LYPD1: variants seen among roughly 807,000 people sequenced by gnomAD.
The protein encoded by LYPD1 is ly6/PLAUR domain-containing protein 1.
In LYPD1, 14 loss-of-function variants were observed where a neutral mutation model predicts 14.2. That is an observed-to-expected ratio of 0.99 (90% CI 0.65 to 1.54). The LOEUF is 1.54. LYPD1 is among the 40% of genes most tolerant of loss of function. LYPD1 has a pLI of 0.00. For synonymous variants in LYPD1, 85 were observed against 70.6 expected (o/e 1.20, Z -1.02); for missense variants, 165 against 175.7 (o/e 0.94, Z 0.34).
At chr2:132,668,693 G>C (rs1027115070) in intron 1 of LYPD1, among the ~76,000 whole-genome samples, 156 bp from the exon 2 acceptor site, 1 of 152,132 alleles carries the variant, frequency 6.6e-6, no homozygotes, top group Non-Finnish European at 1.5e-5. Flanking sequence ...GGCTGACACC[G>C]GCAGGGGGCG....
At position 132,646,223 on chromosome 2, in the gene LYPD1, C is replaced by T. The variant is rs1341271689; in HGVS notation, c.248G>A (p.Gly83Glu). Residue 83 changes from glycine to glutamate, a missense_variant, in exon 3 of 3, where the codon GGG becomes GAG. Physicochemically the swap from Gly to Glu is moderately conservative, Grantham distance 98 (BLOSUM62 -2). Coordinates refer to ENST00000397463, the MANE Select transcript of LYPD1 (RefSeq NM_144586.7). ...CCCTGGGGAGCAGAAGGACTGGTAC[C>T]CGGCAGAGGCGATGAGACAGGCCGC... is the stretch of plus-strand genomic sequence containing the variant. Reference protein sequence around the residue: ...SSAACLIASAGYQSFCSPGKL... With the variant: ...SSAACLIASAEYQSFCSPGKL... The T allele has an allele frequency of 1.3e-6, 2 of 1,596,158 alleles. No homozygotes were observed. Among genetic ancestry groups the T allele is most frequent in the Admixed American group, 1.7e-5 (1 of 58,366 alleles).
chr2:132,662,264 G>T (rs1012712709), intron 2 of LYPD1, among the ~76,000 whole-genome samples: 2 of 152,188 alleles, frequency 1.3e-5, no homozygotes, highest in Non-Finnish European at 2.9e-5. Context: ...GTCTAGCACT[G>T]GTTCCTTGAA....
chr2:132,645,897 A>G lies in LYPD1; in HGVS notation c.*148T>C, dbSNP rs1409816762. 1.5e-6 allele frequency: 1 copy of G among 678,048 alleles called. No individual in the cohort carries two copies. Among genetic ancestry groups the G allele is most frequent in the East Asian group, 2.9e-5 (1 of 34,868 alleles). The allele number at this position is 678,048 out of a possible 1,614,324, so 42.0% of individuals were successfully genotyped here. On this transcript the variant is annotated 3_prime_UTR_variant, in exon 3 of 3. Transcript: ENST00000397463. ...TCAGAATGCTTTACCGAGCTCTTTC[A>G]TTATTTGCACAGGAACAAAAGAGAA...
Position 132,645,552 on chromosome 2 carries a change from C to A in LYPD1, c.*493G>T. The stretch of plus-strand genomic sequence containing the variant: ...TCGAGTCACTAGAGCCCAACTCAGG[C>A]GCGAAACCAGCCAATTCTGCTGCAG... On this transcript the variant is annotated 3_prime_UTR_variant, in exon 3 of 3. Transcript: ENST00000397463. 6.2e-7 allele frequency: 1 copy of A among 1,614,100 alleles called. No homozygotes were observed. The highest frequency in any genetic ancestry group is 8.5e-7 in the Non-Finnish European group (1 of 1,180,004).
chr2:132,650,000 C>T (rs1039554006), intron 2 of LYPD1, among the ~76,000 whole-genome samples: 1 of 152,008 alleles, frequency 6.6e-6, no homozygotes, highest in African/African-American at 2.4e-5. Flanking sequence ...AATAAAATCC[C>T]TATATGTAAG....
chr2:132,651,063 G>C (rs898285144), intron 2 of LYPD1, among the ~76,000 whole-genome samples: 1 of 152,194 alleles, frequency 6.6e-6, no homozygotes, highest in African/African-American at 2.4e-5. Context: ...GCATAAAAAT[G>C]TATGGAAAAA....
rs1683535852 is a variant in LYPD1, at chr2:132,669,792, C to T, written c.52+89G>A. The T allele has an allele frequency of 2.6e-6, 4 of 1,562,698 alleles. No homozygotes were observed. The highest frequency in any genetic ancestry group is 2.3e-5 in the South Asian group (2 of 85,482). ...GGGCAGCCCCAGCGCAGGGCTGGCC[C>T]CGAGGTGGGCGCCTTGGGGGCAAAA... On this transcript the variant is annotated intron_variant, in intron 1 of 2. Transcript: ENST00000397463. The surrounding 1 kb of genome is among the most constrained non-coding windows in gnomAD (Gnocchi z 4.3).
chr2:132,669,819 G>T lies in LYPD1; in HGVS notation c.52+62C>A, dbSNP rs1182152863. The T allele has an allele frequency of 2.5e-6, 4 of 1,594,212 alleles. No individual in the cohort carries two copies. In the Admixed American group the frequency reaches 6.9e-5, roughly 27 times the overall value. On this transcript the variant is annotated intron_variant, in intron 1 of 2. Transcript: ENST00000397463. The surrounding 1 kb of genome is among the most constrained non-coding windows in gnomAD (Gnocchi z 4.3). ...GAGGTGGGCGCCTTGGGGGCAAAAG[G>T]GCTGGCGGGTAGATGGATTGTGCGC...
In LYPD1 at chr2:132,644,548, T is replaced by G. The variant is rs555345212; in HGVS notation, c.*1497A>C. ...AAAAAACATTCTTGGCGACAGGCTA[T>G]TCCTGACTTTGCTTCCCCTGAAACT... On this transcript the variant is annotated 3_prime_UTR_variant, in exon 3 of 3. Transcript: ENST00000397463. 1.3e-3 allele frequency among the ~76,000 whole-genome samples: 193 copies of G among 152,372 alleles called. No homozygotes were observed. Among genetic ancestry groups the G allele is most frequent in the African/African-American group, 4.6e-3 (190 of 41,590 alleles).
intron 2 of LYPD1, among the ~76,000 whole-genome samples, chr2:132,658,418 G>C (rs551749106): frequency 1.1e-4 from 16 of 152,328 alleles, no homozygotes; most frequent in African/African-American, 3.8e-4. Flanking sequence ...AATTCTGTTA[G>C]GAAGTGTTGC....
rs181064171 is a variant in LYPD1 at position 132,651,473 on chromosome 2, G to A, written c.191-5193C>T. Among the ~76,000 whole-genome samples the A allele has an allele frequency of 5.3e-5, 8 of 152,202 alleles. No homozygotes were observed. The East Asian group carries it at 1.5e-3, about 29-fold the overall frequency. ...GAGGAGGAGCTGTGAGGAAAACAAG[G>A]GCCTTGTCATGGACTGCTGGTGGGA... On this transcript the variant is annotated intron_variant, in intron 2 of 2. Coordinates refer to ENST00000397463, the MANE Select transcript of LYPD1 (RefSeq NM_144586.7).
At chr2:132,659,894 T>C (rs1383746730) in intron 2 of LYPD1, among the ~76,000 whole-genome samples, 2 of 152,240 alleles carry the variant, frequency 1.3e-5, no homozygotes, top group Non-Finnish European at 2.9e-5. Context: ...TGCTACATTT[T>C]GCATAAGTAA....
intron 2 of LYPD1, among the ~76,000 whole-genome samples, chr2:132,666,409 T>C (rs1039144522): frequency 6.6e-6 from 1 of 152,196 alleles, no homozygotes; most frequent in African/African-American, 2.4e-5. Context: ...CGACCTAGCA[T>C]CCTTCCCTTC....
At chr2:132,657,352 G>A (rs533635033) in intron 2 of LYPD1, among the ~76,000 whole-genome samples, 60 of 152,250 alleles carry the variant, frequency 3.9e-4, no homozygotes, top group Non-Finnish European at 5.4e-4. Context: ...AGATATTTAT[G>A]ACTTATTATC....
At position 132,668,401 on chromosome 2, in the gene LYPD1, G is replaced by C. The variant is rs772102691; in HGVS notation, c.189C>G (p.Ala63=). The change falls in exon 2 of 3, where the codon GCC becomes GCG. Residue 63 remains alanine, a splice_region_variant and synonymous_variant. Coordinates refer to ENST00000397463, the MANE Select transcript of LYPD1 (RefSeq NM_144586.7). The stretch of plus-strand genomic sequence containing the variant: ...GGGGGAGGGCTGCCAGGCTCTTACC[G>C]GCACTTTGCTCCATCACTTCTTTCT... ...MCQKEVMEQS[A]GIMYRKSCAS... is the part of the protein sequence containing the mutation. The C allele has an allele frequency of 8.7e-6, 14 of 1,602,946 alleles. No homozygotes were observed. The East Asian group carries it at 2.0e-4, about 23-fold the overall frequency.
At chr2:132,648,844 G>C (rs191005649) in intron 2 of LYPD1, among the ~76,000 whole-genome samples, 1 of 152,072 alleles carries the variant, frequency 6.6e-6, no homozygotes, top group Non-Finnish European at 1.5e-5. Flanking sequence ...ATGGGGAAAG[G>C]TGTCTGATGT....
chr2:132,648,679 TAGTC>T (rs955900640), intron 2 of LYPD1, among the ~76,000 whole-genome samples: 11 of 152,346 alleles, frequency 7.2e-5, no homozygotes, highest in African/African-American at 2.4e-4. Flanking sequence ...CTCATGTCGT[TAGTC>T]AGAAACAATT....
chr2:132,671,164 G>C (rs973329235), upstream of LYPD1: 7 of 152,404 alleles, frequency 4.6e-5, no homozygotes, highest in African/African-American at 1.7e-4. Flanking sequence ...TTTCCGCAAA[G>C]TCCAAGTGAC....
chr2:132,645,406 G>C lies in LYPD1; in HGVS notation c.*639C>G, dbSNP rs1442559168. The C allele has an allele frequency of 6.2e-7, 1 of 1,613,610 alleles. No individual in the cohort carries two copies. Among genetic ancestry groups the C allele is most frequent in the Non-Finnish European group, 8.5e-7 (1 of 1,180,006 alleles). On this transcript the variant is annotated 3_prime_UTR_variant, in exon 3 of 3. Transcript: ENST00000397463. Reference sequence around the variant, plus strand: ...CTCCACCACCGACAGCGCCCGCTTTGTGCAGCGCCCGTTGCTCTTCGCGTC... The same window carrying C: ...CTCCACCACCGACAGCGCCCGCTTTCTGCAGCGCCCGTTGCTCTTCGCGTC...
Sources: gnomAD v4.1 joint callset for allele counts (sites outside exome capture counted in the v4.1 genomes callset) on GRCh38, gnomAD v4.1.1 for gene constraint, Gnocchi (gnomAD v3.1) non-coding constraint, MANE v1.5 for transcripts, NCBI Gene and HGNC (gene_info 2026-07-23, HGNC 2026-07-21) for gene names.